The following ASH1L variants were observed in gnomAD, a reference collection of about 807,000 sequenced individuals.
ASH1L encodes the protein ASH1 like histone lysine methyltransferase, also known as histone-lysine N-methyltransferase ASH1L.
Under a neutral mutation model 269.0 loss-of-function variants are expected in ASH1L, and 23 were observed. The ratio of observed to expected loss-of-function variants is 0.09; its 90% CI spans 0.06 to 0.12. The LOEUF is 0.12. ASH1L is among the 10% of genes least tolerant of loss of function. ASH1L has a pLI of 1.00. For missense variants in ASH1L, 2,912 were observed against 3,567.8 expected (o/e 0.82, Z 4.68); for synonymous variants, 1,187 against 1,253.5 (o/e 0.95, Z 1.12).
At chr1:155,353,534 A>G (rs1654105677) in intron 16 of ASH1L, among the ~76,000 whole-genome samples, 1 of 152,004 alleles carries the variant, frequency 6.6e-6, no homozygotes, top group African/African-American at 2.4e-5. Flanking sequence ...TCTTTTGAAC[A>G]CTCTGTTTTC....
At chr1:155,384,977 C>T (rs554411319) in intron 7 of ASH1L, among the ~76,000 whole-genome samples, 6 of 152,046 alleles carry the variant, frequency 3.9e-5, no homozygotes, top group South Asian at 2.1e-4. Flanking sequence ...TTGTTGTATA[C>T]GCTGAGTAAT....
intron 3 of ASH1L, among the ~76,000 whole-genome samples, chr1:155,466,249 G>T (rs1269105641): frequency 6.6e-6 from 1 of 152,108 alleles, no homozygotes; most frequent in African/African-American, 2.4e-5. Context: ...AGCTACTTGG[G>T]AGGCTGAGGC....
At chr1:155,341,163 G>A (rs1417479036) in intron 25 of ASH1L, among the ~76,000 whole-genome samples, 1 of 147,860 alleles carries the variant, frequency 6.8e-6, no homozygotes, top group Non-Finnish European at 1.5e-5. Flanking sequence ...GTAGAGACGG[G>A]GTTTCAATGT....
intron 5 of ASH1L, chr1:155,433,297 A>G: frequency 1.3e-6 from 2 of 1,573,996 alleles, no homozygotes; most frequent in Non-Finnish European, 1.7e-6. Context: ...TAAGCTTCCA[A>G]GGCCCTCCTG....
chr1:155,557,852 G>A (rs188008482), intron 1 of ASH1L, among the ~76,000 whole-genome samples: 4 of 152,156 alleles, frequency 2.6e-5, no homozygotes, highest in Non-Finnish European at 2.9e-5. Flanking sequence ...CACCTCTTGC[G>A]GCACCCAGGT....
chr1:155,377,384 C>A (rs1656548124), intron 10 of ASH1L, among the ~76,000 whole-genome samples: 1 of 152,086 alleles, frequency 6.6e-6, no homozygotes, highest in Non-Finnish European at 1.5e-5. Flanking sequence ...ATTCTGCTTC[C>A]TCATTGTGGC....
intron 7 of ASH1L, among the ~76,000 whole-genome samples, chr1:155,386,362 C>T (rs1322792051): frequency 1.3e-5 from 2 of 151,624 alleles, no homozygotes; most frequent in Non-Finnish European, 2.9e-5. Flanking sequence ...GCCACTGCGC[C>T]TGGCCAAGAG....
At position 155,380,128 on chromosome 1, in the gene ASH1L, A is replaced by T; in HGVS notation, c.6104-12T>A. 1 of 1,597,490 alleles carries T rather than the reference A, an allele frequency of 6.3e-7. No individual in the cohort carries two copies. The highest frequency in any genetic ancestry group is 1.1e-5 in the South Asian group (1 of 90,610). On this transcript the variant is annotated splice_polypyrimidine_tract_variant and intron_variant, in intron 7 of 27. Coordinates refer to ENST00000392403, the MANE Select transcript of ASH1L (RefSeq NM_018489.3). ...TCTTAGATACTTTCCTGAAACAAAA[A>T]ACACTATTAATTTCAATACCTTTTC...
At chr1:155,421,203 TG>T (rs1244788397) in intron 5 of ASH1L, among the ~76,000 whole-genome samples, 36 of 134,210 alleles carry the variant, frequency 2.7e-4, no homozygotes, top group African/African-American at 9.4e-4. Flanking sequence ...CACTCCAGCC[TG>T]GGCAACAGAG....
intron 1 of ASH1L, among the ~76,000 whole-genome samples, chr1:155,536,315 TA>T (rs1336715786): frequency 6.6e-6 from 1 of 152,202 alleles, no homozygotes; most frequent in Non-Finnish European, 1.5e-5. Flanking sequence ...TGCAGACTTA[TA>T]AAGACTTTAG....
chr1:155,367,410 T>C (rs1655532140), intron 12 of ASH1L, among the ~76,000 whole-genome samples: 1 of 152,238 alleles, frequency 6.6e-6, no homozygotes, highest in African/African-American at 2.4e-5. Context: ...AATTCACTTA[T>C]GTCTGTAGAA....
chr1:155,562,894 GCCA>G, upstream of ASH1L: 1 of 370,402 alleles, frequency 2.7e-6, no homozygotes, highest in Non-Finnish European at 5.2e-6. Context: ...CGCCGCCGCC[GCCA>G]GCCCCCCCTA....
intron 7 of ASH1L, among the ~76,000 whole-genome samples, chr1:155,383,153 A>G (rs1657130907): frequency 6.6e-6 from 1 of 152,272 alleles, no homozygotes; most frequent in Admixed American, 6.5e-5. Flanking sequence ...AAGCTAAGTT[A>G]TTATGAGTCA....
intron 17 of ASH1L, among the ~76,000 whole-genome samples, chr1:155,350,290 G>A (rs926507402): frequency 2.0e-5 from 3 of 152,168 alleles, no homozygotes; most frequent in African/African-American, 7.2e-5. Flanking sequence ...CCAAAGTGCT[G>A]GGATTACAGG....
chr1:155,513,761 G>A (rs1313049523), intron 2 of ASH1L, among the ~76,000 whole-genome samples: 1 of 151,740 alleles, frequency 6.6e-6, no homozygotes, highest in Non-Finnish European at 1.5e-5. Context: ...GTTAAAAGCT[G>A]GAAGCAATAC....
At chr1:155,435,642 C>T (rs1460007125) in intron 5 of ASH1L, among the ~76,000 whole-genome samples, 1 of 147,194 alleles carries the variant, frequency 6.8e-6, no homozygotes, top group Non-Finnish European at 1.5e-5. Flanking sequence ...AAAAAAAAAA[C>T]CCTCTCTATA....
intron 2 of ASH1L, among the ~76,000 whole-genome samples, chr1:155,510,755 A>T (rs958608359): frequency 1.3e-4 from 19 of 147,014 alleles, no homozygotes; most frequent in African/African-American, 4.5e-4. Context: ...CTGAAAACAC[A>T]TTTTTTTTTT....
chr1:155,356,711 G>T (rs180823078), intron 15 of ASH1L, among the ~76,000 whole-genome samples: 1 of 151,660 alleles, frequency 6.6e-6, no homozygotes. Flanking sequence ...TGAATTCCTG[G>T]GCTCAAGTAA....
Position 155,370,821 on chromosome 1 carries a change from G to A in ASH1L, c.6495C>T (p.Phe2165=). 1 of 1,614,170 alleles carries A rather than the reference G, an allele frequency of 6.2e-7. No homozygotes were observed. Among genetic ancestry groups the A allele is most frequent in the Non-Finnish European group, 8.5e-7 (1 of 1,180,044 alleles). Residue 2165 remains phenylalanine, a synonymous_variant, in exon 11 of 28, where the codon TTC becomes TTT. Transcript: ENST00000392403. ...CGACCTCCCCTAGGTATTCAATGATGAACTGCCCAGCTTTTAGGGGCTCTT... is the reference window on the plus strand; with the variant it reads ...CGACCTCCCCTAGGTATTCAATGATAAACTGCCCAGCTTTTAGGGGCTCTT... ...RTKEPLKAGQ[F]IIEYLGEVVS...
Sources: allele counts gnomAD v4.1 joint callset (sites outside exome capture counted in the v4.1 genomes callset), GRCh38; gene constraint gnomAD v4.1.1; transcripts MANE v1.5; gene names NCBI Gene and HGNC (gene_info 2026-07-23, HGNC 2026-07-21).